MBD5: variants seen among roughly 807,000 people sequenced by gnomAD.
MBD5 encodes the protein methyl-CpG binding domain protein 5, also known as methyl-CpG-binding domain protein 5.
A neutral mutation model predicts 117.3 loss-of-function variants in MBD5; 13 were observed. The ratio of observed to expected loss-of-function variants is 0.11; its 90% CI spans 0.07 to 0.18. The LOEUF (loss-of-function observed/expected upper bound fraction) is 0.18. Among genes scored for constraint, MBD5 ranks in the 10% least tolerant of loss-of-function variants. MBD5 has a pLI of 1.00. For synonymous variants in MBD5, 727 were observed against 766.4 expected (o/e 0.95, Z 0.85); for missense variants, 1,879 against 2,093.8 (o/e 0.90, Z 2.00).
chr2:148,327,122 C>T (rs1317707678), intron 3 of MBD5, among the ~76,000 whole-genome samples: 1 of 151,968 alleles, frequency 6.6e-6, no homozygotes, highest in East Asian at 1.9e-4. Context: ...ATATGAAATT[C>T]TGGGTTGAAA....
intron 1 of MBD5, among the ~76,000 whole-genome samples, chr2:148,084,402 G>A (rs1403458418): frequency 6.6e-6 from 1 of 152,074 alleles, no homozygotes; most frequent in African/African-American, 2.4e-5. Flanking sequence ...CAGACCTCAG[G>A]TAATATCTAT....
intron 1 of MBD5, among the ~76,000 whole-genome samples, chr2:148,076,217 T>C (rs1292836237): frequency 6.6e-6 from 1 of 151,854 alleles, no homozygotes; most frequent in East Asian, 2.0e-4. Context: ...TGCAGAGTGA[T>C]AAAGATGTTT....
chr2:148,204,349 AT>A (rs1481749660), intron 2 of MBD5, among the ~76,000 whole-genome samples: 1 of 152,186 alleles, frequency 6.6e-6, no homozygotes, highest in Non-Finnish European at 1.5e-5. Flanking sequence ...TAGAAATAAA[AT>A]TTTGTGAATG....
At chr2:148,197,908 G>A (rs1393486678) in intron 2 of MBD5, among the ~76,000 whole-genome samples, 7 of 149,720 alleles carry the variant, frequency 4.7e-5, no homozygotes, top group Non-Finnish European at 1.0e-4. Flanking sequence ...CCACCTCCCG[G>A]GTTCAAGCGA....
chr2:148,441,876 ATG>A (rs1706336028), intron 4 of MBD5, among the ~76,000 whole-genome samples: 1 of 151,938 alleles, frequency 6.6e-6, no homozygotes, highest in Non-Finnish European at 1.5e-5. Flanking sequence ...GTATTTTTTC[ATG>A]TGTCTTTTGG....
chr2:148,097,333 C>T (rs2105272079), intron 1 of MBD5, among the ~76,000 whole-genome samples: 1 of 152,290 alleles, frequency 6.6e-6, no homozygotes, highest in African/African-American at 2.4e-5. Flanking sequence ...AATAGTTTCT[C>T]AACGCCTTCT....
intron 4 of MBD5, among the ~76,000 whole-genome samples, chr2:148,426,012 C>T (rs1455328021): frequency 1.3e-5 from 2 of 152,108 alleles, no homozygotes; most frequent in East Asian, 3.9e-4. Flanking sequence ...CAATAACAGA[C>T]AAACAGAGAG....
intron 1 of MBD5, among the ~76,000 whole-genome samples, chr2:148,172,139 G>A (rs13409636): frequency 1.3e-5 from 2 of 152,166 alleles, no homozygotes; most frequent in African/African-American, 4.8e-5. Context: ...CCAGCTGCAG[G>A]GGGGGAGGTG....
At chr2:148,324,574 G>A (rs912437102) in intron 3 of MBD5, among the ~76,000 whole-genome samples, 3 of 151,904 alleles carry the variant, frequency 2.0e-5, no homozygotes, top group Admixed American at 6.6e-5. Context: ...GGATTCCTAG[G>A]TATTTTATTC....
chr2:148,440,761 A>C (rs1406523104), intron 4 of MBD5, among the ~76,000 whole-genome samples: 2 of 152,242 alleles, frequency 1.3e-5, no homozygotes, highest in Non-Finnish European at 2.9e-5. Flanking sequence ...CATACATGTA[A>C]CACATGTAGG....
At chr2:148,267,943 CT>C (rs1318536214) in intron 3 of MBD5, among the ~76,000 whole-genome samples, 2 of 139,808 alleles carry the variant, frequency 1.4e-5, no homozygotes, top group African/African-American at 2.6e-5. Flanking sequence ...GCTCTCTTTT[CT>C]TTTTTTTCTT....
At chr2:148,492,062 G>T (rs1162518618) in intron 11 of MBD5, among the ~76,000 whole-genome samples, 1 of 151,606 alleles carries the variant, frequency 6.6e-6, no homozygotes, top group African/African-American at 2.4e-5. Flanking sequence ...GAGAATAAAG[G>T]CATGTACTTT....
At chr2:148,254,387 G>A (rs1700534570) in intron 3 of MBD5, among the ~76,000 whole-genome samples, 1 of 152,122 alleles carries the variant, frequency 6.6e-6, no homozygotes, top group Non-Finnish European at 1.5e-5. Flanking sequence ...CAGGAGGAGT[G>A]CCACTCAGGT....
chr2:148,086,528 C>G (rs1695795956), intron 1 of MBD5, among the ~76,000 whole-genome samples: 1 of 152,050 alleles, frequency 6.6e-6, no homozygotes, highest in Non-Finnish European at 1.5e-5. Context: ...TAAAGTATAC[C>G]TGTCTCCTTA....
At chr2:148,303,923 G>A (rs1216692003) in intron 3 of MBD5, among the ~76,000 whole-genome samples, 3 of 152,076 alleles carry the variant, frequency 2.0e-5, no homozygotes, top group African/African-American at 7.2e-5. Flanking sequence ...AGAGATTAAA[G>A]CTCAAAAGAA....
chr2:148,026,586 G>A (rs1471017799), intron 1 of MBD5: 1 of 152,132 alleles, frequency 6.6e-6, no homozygotes, highest in Admixed American at 6.5e-5. Context: ...AGCGAACTAT[G>A]CAATCCAGCC....
Position 148,252,367 on chromosome 2 carries a change from CGAG to C in MBD5, c.-680+18975_-680+18977del, listed in dbSNP as rs761124176. 7.2e-5 allele frequency among the ~76,000 whole-genome samples: 11 copies of C among 152,078 alleles called. No homozygotes were observed. The East Asian group carries it at 2.1e-3, about 29-fold the overall frequency. On this transcript the variant is annotated intron_variant, in intron 3 of 13. Coordinates refer to ENST00000642680, the MANE Select transcript of MBD5 (RefSeq NM_001378120.1). Reference sequence around the variant, plus strand: ...CCCAGCTACTGGGGAGACTGAAATGCGAGGATCACCTGATCCTGGAGAAGTTAA... The same window carrying C: ...CCCAGCTACTGGGGAGACTGAAATGCGATCACCTGATCCTGGAGAAGTTAA...
rs190498838 is a variant in MBD5 at position 148,419,017 on chromosome 2, G to A, written c.-556-39186G>A. On this transcript the variant is annotated intron_variant, in intron 4 of 13. Coordinates refer to ENST00000642680, the MANE Select transcript of MBD5 (RefSeq NM_001378120.1). ...ATAGTAACCAAAACAGCATGGTACT[G>A]GTATAAAAGTAGATATACAGACCAA... is the stretch of plus-strand genomic sequence containing the variant. Among the ~76,000 whole-genome samples, 10 of 152,142 alleles carry A rather than the reference G, an allele frequency of 6.6e-5. No homozygotes were observed. In the East Asian group the frequency reaches 1.4e-3, roughly 21 times the overall value.
chr2:148,031,099 C>T (rs959470397), intron 1 of MBD5, among the ~76,000 whole-genome samples: 14 of 151,990 alleles, frequency 9.2e-5, no homozygotes, highest in African/African-American at 3.4e-4. Flanking sequence ...ATAAGATGAA[C>T]TTTATTATTT....
Sources: gnomAD v4.1 joint callset for allele counts (sites outside exome capture counted in the v4.1 genomes callset) on GRCh38, gnomAD v4.1.1 for gene constraint, MANE v1.5 for transcripts, NCBI Gene and HGNC (gene_info 2026-07-23, HGNC 2026-07-21) for gene names.